ARHGAP23: variants seen among roughly 807,000 people sequenced by gnomAD.
ARHGAP23 encodes Rho GTPase activating protein 23.
ARHGAP23 carries 34 observed loss-of-function variants against 136.3 expected under a neutral mutation model. The ratio of observed to expected loss-of-function variants is 0.25; its 90% CI spans 0.19 to 0.33. The LOEUF (loss-of-function observed/expected upper bound fraction) is 0.33, where lower values mean the gene tolerates loss of function less well. Among genes scored for constraint, ARHGAP23 ranks in the 10% least tolerant of loss-of-function variants. The pLI, the probability that ARHGAP23 is intolerant of heterozygous loss-of-function variation, is 1.00. For missense variants in ARHGAP23, 1,808 were observed against 2,139.0 expected (o/e 0.85, Z 3.05); for synonymous variants, 832 against 920.5 (o/e 0.90, Z 1.74).
At chr17:38,447,271 A>G (rs62073431) in intron 1 of ARHGAP23, among the ~76,000 whole-genome samples, 26,163 of 151,252 alleles carry the variant, frequency 0.17, 3,302 homozygotes, top group African/African-American at 0.36. Flanking sequence ...GTGAAACCCC[A>G]TCTCCACTGA....
At position 38,476,585 on chromosome 17, in the gene ARHGAP23, C is replaced by T. The variant is rs577746747; in HGVS notation, c.2119-994C>T. The stretch of plus-strand genomic sequence containing the variant: ...GGCTGTGGCTGGGAGAGACGCTGGG[C>T]TTGGGAATGGCCATCAGCAGATGGA... On this transcript the variant is annotated intron_variant, in intron 11 of 23. Coordinates refer to ENST00000622683, the MANE Select transcript of ARHGAP23 (RefSeq NM_001199417.2). Among the ~76,000 whole-genome samples, 35 of 152,176 alleles carry T rather than the reference C, an allele frequency of 2.3e-4. No homozygotes were observed. The South Asian group carries it at 7.3e-3, about 32-fold the overall frequency.
intron 1 of ARHGAP23, 76 bp from the exon 2 acceptor site, chr17:38,458,026 G>A: frequency 6.6e-7 from 1 of 1,507,276 alleles, no homozygotes; most frequent in Non-Finnish European, 8.9e-7. Flanking sequence ...CGGTCCTGTG[G>A]GCTGCAGGAG....
At chr17:38,472,445 G>T (rs1211264632) in intron 11 of ARHGAP23, among the ~76,000 whole-genome samples, 1 of 152,158 alleles carries the variant, frequency 6.6e-6, no homozygotes, top group Non-Finnish European at 1.5e-5. Flanking sequence ...CTCTTGCCAA[G>T]GGAGTTACAG....
At chr17:38,474,373 TAGAG>T (rs1389027302) in intron 11 of ARHGAP23, among the ~76,000 whole-genome samples, 1 of 152,022 alleles carries the variant, frequency 6.6e-6, no homozygotes, top group Non-Finnish European at 1.5e-5. Flanking sequence ...GCAGACACTT[TAGAG>T]AGAGATTCCA....
At chr17:38,420,994 A>T (rs2038515176) in intron 1 of ARHGAP23, among the ~76,000 whole-genome samples, 2 of 152,092 alleles carry the variant, frequency 1.3e-5, no homozygotes, top group Non-Finnish European at 2.9e-5. Flanking sequence ...AATGCATCTC[A>T]CTGGGCCTGC....
Position 38,467,389 on chromosome 17 carries a change from T to C in ARHGAP23, c.1648+58T>C, listed in dbSNP as rs1312047040. 22 of 1,429,076 alleles carry C rather than the reference T, an allele frequency of 1.5e-5. No individual in the cohort carries two copies. The East Asian group carries it at 4.8e-4, about 31-fold the overall frequency. 88.5% of individuals were successfully genotyped at this position (1,429,076 alleles called of 1,614,324 possible). A position where few individuals can be genotyped will look rare whatever the true frequency, so the allele number is the denominator to read the frequency against. ...ACTTAGCTGTCGGCTGTCTGTGTCC[T>C]GCTGTACCCCATCTGCCTGTCTGCC... On this transcript the variant is annotated intron_variant, in intron 7 of 23. Transcript: ENST00000622683.
chr17:38,462,113 C>G (rs937898206), intron 3 of ARHGAP23, among the ~76,000 whole-genome samples: 2 of 151,700 alleles, frequency 1.3e-5, no homozygotes, highest in African/African-American at 4.8e-5. Flanking sequence ...CCACCGCGCC[C>G]GGCTAATTTT....
intron 23 of ARHGAP23, among the ~76,000 whole-genome samples, chr17:38,508,990 CA>C: frequency 7.7e-6 from 1 of 129,304 alleles, no homozygotes; most frequent in South Asian, 2.5e-4. Context: ...GCAAAGGGGC[CA>C]AAAACAGTCC....
At chr17:38,456,417 G>C (rs774765013) in intron 1 of ARHGAP23, among the ~76,000 whole-genome samples, 4 of 152,166 alleles carry the variant, frequency 2.6e-5, no homozygotes, top group Non-Finnish European at 4.4e-5. Flanking sequence ...AGTGAAGCGG[G>C]AGCTCCTCAC....
intron 6 of ARHGAP23, among the ~76,000 whole-genome samples, chr17:38,464,902 C>A (rs1279767982): frequency 6.6e-6 from 1 of 152,198 alleles, no homozygotes; most frequent in East Asian, 1.9e-4. Context: ...GCCAATCGGG[C>A]CTCGGCAGCT....
In ARHGAP23 at chr17:38,510,113, C is replaced by A; in HGVS notation, c.3617C>A (p.Ala1206Glu). ...CACAAGCCTGGGGCGGGGGCCACAG[C>A]GCCGGGGACTCAGGAGCGGCCGCAG... Reference protein sequence around the residue: ...EAHKPGAGATAPGTQERPQGP... With the variant: ...EAHKPGAGATEPGTQERPQGP... Residue 1206 changes from alanine to glutamate, a missense_variant, in exon 24 of 24, where the codon GCG becomes GAG. Around this residue, in one of 7 missense-constraint regions of ARHGAP23, gnomAD observed 506 missense variants for 455.8 expected, o/e 1.11. Coordinates refer to ENST00000622683, the MANE Select transcript of ARHGAP23 (RefSeq NM_001199417.2). This position sits in a 1 kb window ranked among gnomAD's most constrained non-coding sequence, Gnocchi z 4.6. The A allele has an allele frequency of 8.0e-7, 1 of 1,255,300 alleles. No individual in the cohort carries two copies. The highest frequency in any genetic ancestry group is 1.0e-6 in the Non-Finnish European group (1 of 1,004,866). 77.8% of individuals were successfully genotyped at this position (1,255,300 alleles called of 1,614,324 possible).
chr17:38,495,191 CA>C (rs2040364012), intron 20 of ARHGAP23, among the ~76,000 whole-genome samples: 1 of 151,748 alleles, frequency 6.6e-6, no homozygotes, highest in South Asian at 2.1e-4. Context: ...GAACTTGAAC[CA>C]AGATGACTGA....
chr17:38,452,951 G>C (rs1288191274), intron 1 of ARHGAP23, among the ~76,000 whole-genome samples: 2 of 152,214 alleles, frequency 1.3e-5, no homozygotes, highest in Non-Finnish European at 2.9e-5. Flanking sequence ...TTCCCACAGG[G>C]GTGTTGGGGA....
intron 14 of ARHGAP23, among the ~76,000 whole-genome samples, chr17:38,481,282 G>C (rs994197230): frequency 1.3e-5 from 2 of 152,094 alleles, no homozygotes; most frequent in African/African-American, 4.8e-5. Flanking sequence ...GAGTAGCTGG[G>C]ACTACAGGCG....
chr17:38,505,216 T>C (rs1238454460), intron 23 of ARHGAP23, among the ~76,000 whole-genome samples: 3 of 151,592 alleles, frequency 2.0e-5, no homozygotes, highest in Non-Finnish European at 4.4e-5. Flanking sequence ...CTTCTTTGCG[T>C]AGGCTGTTCT....
chr17:38,499,063 T>C, intron 22 of ARHGAP23: 1 of 676,284 alleles, frequency 1.5e-6, no homozygotes, highest in Admixed American at 2.1e-5. Context: ...GACCCCACGC[T>C]GACATGCCAG....
chr17:38,460,231 A>G (rs989028539), intron 2 of ARHGAP23, among the ~76,000 whole-genome samples: 5 of 152,114 alleles, frequency 3.3e-5, no homozygotes, highest in African/African-American at 1.2e-4. Context: ...AGGTGCCAGA[A>G]TCCTCTCCCC....
chr17:38,481,938 G>A (rs144390029), intron 14 of ARHGAP23, 84 bp from the exon 15 acceptor site: 428,298 of 1,369,484 alleles, frequency 0.31, 68,953 homozygotes, highest in Non-Finnish European at 0.33. Context: ...ATCCCCATAC[G>A]TCCAAATGTG....
Position 38,467,234 on chromosome 17 carries a change from C to T in ARHGAP23, c.1551C>T (p.Ser517=), listed in dbSNP as rs1051657704. 5.2e-6 allele frequency: 8 copies of T among 1,550,690 alleles called. No homozygotes were observed. In the African/African-American group the frequency reaches 9.6e-5, roughly 19 times the overall value. ...TGAACCTTGGATTTGGTGACGAGTC[C>T]CCAGAGCCAGAGGCCAGTGGGCGAG... ...RQMNLGFGDE[S]PEPEASGRGE... The change falls in exon 7 of 24, where the codon TCC becomes TCT. Residue 517 remains serine, a synonymous_variant. Transcript: ENST00000622683.
Sources: allele counts gnomAD v4.1 joint callset (sites outside exome capture counted in the v4.1 genomes callset), GRCh38; gene constraint gnomAD v4.1.1; regional missense constraint gnomAD v4.1.1; non-coding constraint Gnocchi (gnomAD v3.1); transcripts MANE v1.5; gene names NCBI Gene and HGNC (gene_info 2026-07-23, HGNC 2026-07-21).